Variants in PLCE1 observed in about 807,000 individuals in gnomAD.
PLCE1 encodes phospholipase C epsilon 1.
A neutral mutation model predicts 242.8 loss-of-function variants in PLCE1; 119 were observed. The ratio of observed to expected loss-of-function variants is 0.49; its 90% confidence interval spans 0.42 to 0.57. The LOEUF (loss-of-function observed/expected upper bound fraction) is 0.57, where lower values mean the gene tolerates loss of function less well. Ranked by LOEUF, PLCE1 falls within the 20% of genes least tolerant of loss-of-function variation. The pLI is 0.00. For missense variants in PLCE1, 2,441 were observed against 2,788.8 expected (o/e 0.88, Z 2.81); for synonymous variants, 945 against 1,017.4 (o/e 0.93, Z 1.35).
At chr10:94,281,343 G>T (rs1399987907) in intron 20 of PLCE1, among the ~76,000 whole-genome samples, 2 of 152,124 alleles carry the variant, frequency 1.3e-5, no homozygotes, top group African/African-American at 4.8e-5. Flanking sequence ...GAAAGGAAAA[G>T]CCTTTTTAGA....
chr10:94,262,555 G>A lies in PLCE1; in HGVS notation c.3876G>A (p.Ser1292=), dbSNP rs886047501. 1.7e-5 allele frequency: 27 copies of A among 1,613,926 alleles called. No individual in the cohort carries two copies. The highest frequency in any genetic ancestry group is 2.7e-5 in the African/African-American group (2 of 74,888). Residue 1292 remains serine (S), a synonymous_variant, in exon 14 of 33, where the codon TCG becomes TCA. Coordinates refer to ENST00000371380, the MANE Select transcript of PLCE1 (RefSeq NM_016341.4). Reference sequence around the variant, plus strand: ...TCATTAAGAGTAAACAGCAGCTATCGGACAACCAGAGGCAGATATCTGATG... The same window carrying A: ...TCATTAAGAGTAAACAGCAGCTATCAGACAACCAGAGGCAGATATCTGATG... ...GLFIKSKQQL[S]DNQRQISDAI...
At chr10:94,009,163 A>T (rs1425894637) in intron 1 of PLCE1, among the ~76,000 whole-genome samples, 1 of 152,124 alleles carries the variant, frequency 6.6e-6, no homozygotes, top group Non-Finnish European at 1.5e-5. Context: ...GCTTCTGGGG[A>T]GGGCCTCAGG....
intron 2 of PLCE1, among the ~76,000 whole-genome samples, chr10:94,041,612 C>T (rs964724716): frequency 1.3e-5 from 2 of 152,274 alleles, no homozygotes; most frequent in South Asian, 2.1e-4. Flanking sequence ...ACACGCCTCC[C>T]GATCTCAAGA....
At chr10:94,148,337 G>A (rs2047177875) in intron 3 of PLCE1, among the ~76,000 whole-genome samples, 1 of 152,180 alleles carries the variant, frequency 6.6e-6, no homozygotes, top group African/African-American at 2.4e-5. Context: ...AGGGGGCCTT[G>A]AGAAATGGAG....
chr10:94,108,055 G>C (rs531968982), intron 2 of PLCE1, among the ~76,000 whole-genome samples: 13 of 152,300 alleles, frequency 8.5e-5, no homozygotes, highest in Admixed American at 7.8e-4. Context: ...CAATTCCATA[G>C]CACAAGCTAG....
chr10:94,111,785 A>G (rs948440291), intron 2 of PLCE1, among the ~76,000 whole-genome samples: 2 of 152,240 alleles, frequency 1.3e-5, no homozygotes, highest in African/African-American at 4.8e-5. Context: ...AAATGCCAGT[A>G]TAATGATCAA....
At chr10:94,044,622 G>T (rs2061841842) in intron 2 of PLCE1, among the ~76,000 whole-genome samples, 2 of 152,230 alleles carry the variant, frequency 1.3e-5, no homozygotes. Flanking sequence ...TCAGAATGCA[G>T]CTTTGGTTTG....
At chr10:94,199,614 A>G (rs1209412281) in intron 4 of PLCE1, among the ~76,000 whole-genome samples, 4 of 152,248 alleles carry the variant, frequency 2.6e-5, no homozygotes, top group African/African-American at 9.6e-5. Context: ...ATAAGTTATA[A>G]CAAGTCTTAG....
At chr10:94,094,284 G>A (rs1347899172) in intron 2 of PLCE1, among the ~76,000 whole-genome samples, 4 of 151,526 alleles carry the variant, frequency 2.6e-5, no homozygotes, top group Admixed American at 2.0e-4. Context: ...GGCATTGTAC[G>A]AGGTATACAA....
chr10:94,282,430 C>T (rs1347500139), intron 20 of PLCE1, among the ~76,000 whole-genome samples: 1 of 152,056 alleles, frequency 6.6e-6, no homozygotes, highest in Non-Finnish European at 1.5e-5. Context: ...TTTGAATTTA[C>T]AACTTAACGC....
chr10:94,143,080 G>C (rs946918508), intron 3 of PLCE1, among the ~76,000 whole-genome samples: 1 of 152,206 alleles, frequency 6.6e-6, no homozygotes, highest in Non-Finnish European at 1.5e-5. Flanking sequence ...GGGCCCCAGA[G>C]GGAAGTCCCT....
intron 28 of PLCE1, among the ~76,000 whole-genome samples, chr10:94,315,718 C>T (rs1005165061): frequency 2.0e-5 from 3 of 147,946 alleles, no homozygotes; most frequent in Non-Finnish European, 4.4e-5. Flanking sequence ...TGCAGTGAGC[C>T]GAGATCACGC....
At chr10:94,141,557 G>GGA (rs2046959612) in intron 3 of PLCE1, among the ~76,000 whole-genome samples, 1 of 142,374 alleles carries the variant, frequency 7.0e-6, no homozygotes, top group Non-Finnish European at 1.5e-5. Flanking sequence ...CTAAGGGAAG[G>GGA]TGAAGGGAAG....
At chr10:94,171,093 A>G in intron 3 of PLCE1, 87 bp from the exon 4 acceptor site, 1 of 1,129,456 alleles carries the variant, frequency 8.9e-7, no homozygotes, top group Non-Finnish European at 1.3e-6. Flanking sequence ...TAAAGAACAT[A>G]CAAGATTTGG....
chr10:94,031,094 G>A lies in PLCE1; in HGVS notation c.48G>A (p.Gln16=). 3.1e-6 allele frequency: 5 copies of A among 1,613,788 alleles called. No individual in the cohort carries two copies. Among genetic ancestry groups the A allele is most frequent in the Non-Finnish European group, 4.2e-6 (5 of 1,179,778 alleles). Reference sequence around the variant, plus strand: ...CTTCTGTTCTCATACCTGTGACTCAGAGAAAAGTGGTTTCTGCCCAGTCGG... The same window carrying A: ...CTTCTGTTCTCATACCTGTGACTCAAAGAAAAGTGGTTTCTGCCCAGTCGG... ...MTASVLIPVT[Q]RKVVSAQSAA... is the part of the protein sequence containing the mutation. The change falls in exon 2 of 33, where the codon CAG becomes CAA. Residue 16 remains glutamine, a synonymous_variant. Transcript: ENST00000371380.
chr10:94,207,399 A>G (rs924294688), intron 4 of PLCE1, among the ~76,000 whole-genome samples: 4 of 152,234 alleles, frequency 2.6e-5, no homozygotes, highest in African/African-American at 9.6e-5. Flanking sequence ...ACTTACAAAC[A>G]CAAAAAGGAA....
At chr10:94,008,572 G>C (rs1321777398) in intron 1 of PLCE1, among the ~76,000 whole-genome samples, 1 of 152,186 alleles carries the variant, frequency 6.6e-6, no homozygotes, top group Non-Finnish European at 1.5e-5. Context: ...GCCTCCAAAA[G>C]TGCTGGGATT....
At chr10:94,061,831 G>C (rs780591329) in intron 2 of PLCE1, among the ~76,000 whole-genome samples, 1 of 152,122 alleles carries the variant, frequency 6.6e-6, no homozygotes, top group Admixed American at 6.5e-5. Context: ...ACTAGTTTTT[G>C]CTGTTACATG....
chr10:94,298,118 C>G lies in PLCE1; in HGVS notation c.5168-261C>G, dbSNP rs1369083136. Among the ~76,000 whole-genome samples, 2 of 152,032 alleles carry G rather than the reference C, an allele frequency of 1.3e-5. No individual in the cohort carries two copies. The highest frequency in any genetic ancestry group is 2.9e-5 in the Non-Finnish European group (2 of 68,002). ...CAGGCTGGTCTTGAACTTCTGGGCT[C>G]AAGCAATCCTCCCACCCTGACCTCC... On this transcript the variant is annotated intron_variant, in intron 23 of 32. Coordinates refer to ENST00000371380, the MANE Select transcript of PLCE1 (RefSeq NM_016341.4). This position sits in a 1 kb window ranked among gnomAD's most constrained non-coding sequence, Gnocchi z 5.2.
Sources: allele counts gnomAD v4.1 joint callset (sites outside exome capture counted in the v4.1 genomes callset), GRCh38; gene constraint gnomAD v4.1.1; non-coding constraint Gnocchi (gnomAD v3.1); transcripts MANE v1.5; gene names NCBI Gene and HGNC (gene_info 2026-07-23, HGNC 2026-07-21).